Variants in DSG4 observed in about 807,000 individuals in gnomAD.
The protein encoded by DSG4 is desmoglein-4.
In DSG4, 87 loss-of-function variants were observed where a neutral mutation model predicts 93.1. The ratio of observed to expected loss-of-function variants is 0.93; its 90% confidence interval spans 0.79 to 1.12. DSG4 has a LOEUF of 1.12. Among genes scored for constraint, DSG4 ranks in the 50% most tolerant of loss-of-function variants. The pLI, the probability that DSG4 is intolerant of heterozygous loss-of-function variation, is 0.00. For missense variants in DSG4, 1,373 were observed against 1,285.7 expected, an observed-to-expected ratio of 1.07 and a Z score of -1.04; for synonymous variants, 432 against 452.9, an observed-to-expected ratio of 0.95 and a Z score of 0.59.
In DSG4 at chr18:31,406,320, G is replaced by A. The variant is rs757124369; in HGVS notation, c.1880G>A (p.Gly627Asp). The A allele has an allele frequency of 1.9e-5, 30 of 1,614,056 alleles. No individual in the cohort carries two copies. Among genetic ancestry groups the A allele is most frequent in the Non-Finnish European group, 2.5e-5 (29 of 1,180,038 alleles). Reference sequence around the variant, plus strand: ...GACCAAGCTGGAGTTTCAAATGTTGGTCTTGGACCAGCAGGGATTGGCATG... The same window carrying A: ...GACCAAGCTGGAGTTTCAAATGTTGATCTTGGACCAGCAGGGATTGGCATG... ...TEDQAGVSNV[G>D]LGPAGIGMMV... The change falls in exon 12 of 16, where the codon GGT (glycine) becomes GAT (aspartate). Residue 627 changes from glycine (G) to aspartate (D), a missense_variant. Gly to Asp is a moderately conservative substitution (Grantham distance 94). Coordinates refer to ENST00000308128, the MANE Select transcript of DSG4 (RefSeq NM_177986.5).
intron 15 of DSG4, 114 bp from the exon 16 acceptor site, chr18:31,412,714 A>T (rs2072507666): frequency 9.4e-7 from 1 of 1,063,056 alleles, no homozygotes; most frequent in East Asian, 2.6e-5. Flanking sequence ...TGATACCATT[A>T]TTCAGTTTAT....
chr18:31,410,645 G>A (rs1189623606), intron 14 of DSG4, among the ~76,000 whole-genome samples: 1 of 151,966 alleles, frequency 6.6e-6, no homozygotes, highest in Non-Finnish European at 1.5e-5. Context: ...CCAGCCCCAC[G>A]CATATCTAAC....
chr18:31,413,090 C>T lies in DSG4; in HGVS notation c.2618C>T (p.Pro873Leu). 2 of 1,614,144 alleles carry T rather than the reference C, an allele frequency of 1.2e-6. No homozygotes were observed. The highest frequency in any genetic ancestry group is 1.3e-5 in the African/African-American group (1 of 75,032). ...AGTACTGACCTCCCTTTGCTCGGAC[C>T]TAATTACTTTGTTAATGAATCTTCA... Reference protein sequence around the residue: ...PISTDLPLLGPNYFVNESSGL... With the variant: ...PISTDLPLLGLNYFVNESSGL... Residue 873 changes from proline (P) to leucine (L), a missense_variant, in exon 16 of 16, where the codon CCT (proline) becomes CTT (leucine). Transcript: ENST00000308128.
chr18:31,405,617 C>A (rs1401125739), intron 11 of DSG4, among the ~76,000 whole-genome samples: 3 of 151,802 alleles, frequency 2.0e-5, no homozygotes, highest in Non-Finnish European at 2.9e-5. Flanking sequence ...GGCAGAATGG[C>A]TCATGCTTGT....
chr18:31,390,405 T>C (rs1428230950), intron 5 of DSG4, among the ~76,000 whole-genome samples: 1 of 152,218 alleles, frequency 6.6e-6, no homozygotes, highest in Non-Finnish European at 1.5e-5. Flanking sequence ...GAGAACTATG[T>C]TTAGCCACTA....
rs959411404 is a variant in DSG4, at chr18:31,411,502, A to T, written c.2355+54A>T. 42 of 1,585,172 alleles carry T rather than the reference A, an allele frequency of 2.6e-5. No individual in the cohort carries two copies. In the Admixed American group the frequency reaches 4.8e-4, roughly 18 times the overall value. ...CGTCTTGAGATTGAATAATAATAAT[A>T]GTAAAATACTCACAATGGTAGTAGG... On this transcript the variant is annotated intron_variant, in intron 15 of 15. Coordinates refer to ENST00000308128, the MANE Select transcript of DSG4 (RefSeq NM_177986.5).
Position 31,376,843 on chromosome 18 carries a change from T to C in DSG4, c.-69T>C. On this transcript the variant is annotated 5_prime_UTR_variant, in exon 1 of 16. Transcript: ENST00000308128. Reference sequence around the variant, plus strand: ...AAGCATATCTTTCTGTAGAGCAGAATTCGGAACTGAGAAGACGAGGGCTCA... The same window carrying C: ...AAGCATATCTTTCTGTAGAGCAGAACTCGGAACTGAGAAGACGAGGGCTCA... 1.3e-6 allele frequency: 2 copies of C among 1,570,570 alleles called. No homozygotes were observed. Among genetic ancestry groups the C allele is most frequent in the South Asian group, 2.2e-5 (2 of 90,034 alleles).
chr18:31,392,470 G>A lies in DSG4; in HGVS notation c.1005+130G>A, dbSNP rs79871893. The A allele has an allele frequency of 2.4e-3, 2,376 of 1,007,228 alleles. 41 individuals carry two copies. In the African/African-American group the frequency reaches 0.035, roughly 15 times the overall value. 62.4% of individuals were successfully genotyped at this position (1,007,228 alleles called of 1,614,324 possible). Reference sequence around the variant, plus strand: ...AACTTTGAATATTGTTTATATCAAGGGTCCTAAGTAACTGCTATGTCAGTC... The same window carrying A: ...AACTTTGAATATTGTTTATATCAAGAGTCCTAAGTAACTGCTATGTCAGTC... On this transcript the variant is annotated intron_variant, in intron 8 of 15. Transcript: ENST00000308128.
chr18:31,405,918 TTAAA>T (rs1028472359), intron 11 of DSG4, among the ~76,000 whole-genome samples, 155 bp from the exon 12 acceptor site: 6 of 151,686 alleles, frequency 4.0e-5, no homozygotes, highest in African/African-American at 1.2e-4. Context: ...TAATAATAAA[TTAAA>T]TAAATGTTAA....
chr18:31,406,210 T>A lies in DSG4; in HGVS notation c.1770T>A (p.Asp590Glu), dbSNP rs140290901. 3.2e-5 allele frequency: 51 copies of A among 1,614,166 alleles called. No homozygotes were observed. In the African/African-American group the frequency reaches 5.3e-4, roughly 17 times the overall value. Reference sequence around the variant, plus strand: ...TGCAGTTATATGCCTGTGATTGCGATGACAACCACATGTGCCTGGACTCTG... The same window carrying A: ...TGCAGTTATATGCCTGTGATTGCGAAGACAACCACATGTGCCTGGACTCTG... ...QMVQLYACDC[D>E]DNHMCLDSGA... The change falls in exon 12 of 16, where the codon GAT (aspartate) becomes GAA (glutamate). Residue 590 changes from aspartate (D) to glutamate (E), a missense_variant. Transcript: ENST00000308128.
At chr18:31,377,726 T>C (rs575546023) in intron 1 of DSG4, among the ~76,000 whole-genome samples, 7 of 152,300 alleles carry the variant, frequency 4.6e-5, no homozygotes, top group Admixed American at 1.3e-4. Context: ...AAAGTTCCAG[T>C]TGGCCAATCA....
intron 1 of DSG4, chr18:31,382,174 C>A (rs2072142659): frequency 6.6e-6 from 1 of 152,248 alleles, no homozygotes; most frequent in Non-Finnish European, 1.5e-5. Context: ...ATGCCTCCAA[C>A]TCCCTTTTCT....
At chr18:31,398,745 C>A (rs767723698) in intron 8 of DSG4, among the ~76,000 whole-genome samples, 1 of 151,812 alleles carries the variant, frequency 6.6e-6, no homozygotes, top group Non-Finnish European at 1.5e-5. Context: ...CCAGACCCGG[C>A]GACTATAATC....
intron 12 of DSG4, among the ~76,000 whole-genome samples, chr18:31,408,111 A>G (rs2072447370): frequency 6.6e-6 from 1 of 152,194 alleles, no homozygotes; most frequent in South Asian, 2.1e-4. Context: ...TCAATGGAGA[A>G]GCCCATGGTC....
chr18:31,400,835 TA>T, intron 9 of DSG4, 45 bp from the exon 10 acceptor site: 2 of 1,598,650 alleles, frequency 1.3e-6, no homozygotes, highest in Non-Finnish European at 1.7e-6. Context: ...TTAAAAGTAC[TA>T]ACTTTCATAA....
intron 1 of DSG4, 104 bp downstream of exon 1, chr18:31,377,063 TCC>T: frequency 1.6e-6 from 2 of 1,257,024 alleles, no homozygotes; most frequent in African/African-American, 1.5e-5. Context: ...TTAATCTCCT[TCC>T]TGCAAAGAGA....
At chr18:31,396,110 G>A (rs1002677784) in intron 8 of DSG4, among the ~76,000 whole-genome samples, 1 of 151,574 alleles carries the variant, frequency 6.6e-6, no homozygotes, top group Non-Finnish European at 1.5e-5. Context: ...GAAAACGCAA[G>A]CAATAAAAAA....
At chr18:31,389,763 G>A (rs1001230540) in intron 5 of DSG4, among the ~76,000 whole-genome samples, 3 of 152,026 alleles carry the variant, frequency 2.0e-5, no homozygotes, top group Non-Finnish European at 4.4e-5. Flanking sequence ...AATTTGGGGG[G>A]AAATAATAGG....
At chr18:31,384,174 T>G (rs1220205962) in intron 1 of DSG4, among the ~76,000 whole-genome samples, 1 of 152,158 alleles carries the variant, frequency 6.6e-6, no homozygotes, top group Non-Finnish European at 1.5e-5. Context: ...ATTTAAGAAC[T>G]AATTTTTTTA....
Sources: gnomAD v4.1 joint callset for allele counts (sites outside exome capture counted in the v4.1 genomes callset) on GRCh38, gnomAD v4.1.1 for gene constraint, MANE v1.5 for transcripts, NCBI Gene and HGNC (gene_info 2026-07-23, HGNC 2026-07-21) for gene names.